GMEB1: variants seen among roughly 807,000 people sequenced by gnomAD.
GMEB1 encodes the protein glucocorticoid modulatory element binding protein 1.
A neutral mutation model predicts 52.4 loss-of-function variants in GMEB1; 6 were observed. The observed-to-expected ratio is 0.11, with a 90% CI of 0.06 to 0.23. The LOEUF is 0.23. Among genes scored for constraint, GMEB1 ranks in the 10% least tolerant of loss-of-function variants. GMEB1 has a pLI of 1.00. For missense variants in GMEB1, 486 were observed against 685.6 expected (o/e 0.71, Z 3.25); for synonymous variants, 255 against 244.9 (o/e 1.04, Z -0.38).
At chr1:28,705,937 G>A (rs572171717) in intron 8 of GMEB1, among the ~76,000 whole-genome samples, 27 of 142,560 alleles carry the variant, frequency 1.9e-4, no homozygotes, top group Non-Finnish European at 3.4e-4. Context: ...GGCGGATCAC[G>A]AGGTCAGGAG....
chr1:28,697,922 G>C (rs570796277), intron 6 of GMEB1, among the ~76,000 whole-genome samples: 1 of 151,726 alleles, frequency 6.6e-6, no homozygotes, highest in South Asian at 2.1e-4. Context: ...GGCGGATCAC[G>C]AGGTCAGGAG....
chr1:28,683,869 T>C, intron 2 of GMEB1, 129 bp downstream of exon 2: 1 of 803,822 alleles, frequency 1.2e-6, no homozygotes, highest in Non-Finnish European at 2.0e-6. Flanking sequence ...AGTTTTCATC[T>C]GTATAATATA....
intron 2 of GMEB1, 66 bp from the exon 3 acceptor site, chr1:28,690,038 A>G (rs1165840703): frequency 8.9e-6 from 9 of 1,006,742 alleles, no homozygotes; most frequent in Non-Finnish European, 1.4e-5. Context: ...TCTTAACCCC[A>G]TGCTGTGAAT....
intron 1 of GMEB1, among the ~76,000 whole-genome samples, chr1:28,670,050 G>A (rs1466019378): frequency 6.6e-6 from 1 of 152,150 alleles, no homozygotes; most frequent in African/African-American, 2.4e-5. Flanking sequence ...CAATCAAGAC[G>A]GGTTTTAGGA....
rs181110142 is a variant in GMEB1 at position 28,671,854 on chromosome 1, C to T, written c.-31+3015C>T. ...ATTTTGGGCTGGGCGCGGTAGCTCA[C>T]GCCTGTAATCCCAGCACTTTGGGAG... On this transcript the variant is annotated intron_variant, in intron 1 of 9. Coordinates refer to ENST00000373816, the MANE Select transcript of GMEB1 (RefSeq NM_001319674.2). Among the ~76,000 whole-genome samples the T allele has an allele frequency of 1.1e-4, 16 of 151,962 alleles. No individual in the cohort carries two copies. The East Asian group carries it at 2.5e-3, about 24-fold the overall frequency.
At chr1:28,705,839 G>A (rs1488188104) in intron 8 of GMEB1, among the ~76,000 whole-genome samples, 1 of 151,380 alleles carries the variant, frequency 6.6e-6, no homozygotes, top group Non-Finnish European at 1.5e-5. Context: ...GAAAATTGGA[G>A]AAATCCACTT....
intron 1 of GMEB1, among the ~76,000 whole-genome samples, chr1:28,683,300 A>G (rs1669481250): frequency 6.6e-6 from 1 of 151,382 alleles, no homozygotes; most frequent in Non-Finnish European, 1.5e-5. Flanking sequence ...ATCTCGGCTC[A>G]CCGCAACCTC....
intron 3 of GMEB1, 116 bp downstream of exon 3, chr1:28,690,302 C>G (rs979370290): frequency 5.1e-6 from 3 of 585,962 alleles, no homozygotes; most frequent in African/African-American, 3.8e-5. Flanking sequence ...TCTCCCATCC[C>G]TGTGTGCCCT....
chr1:28,694,749 C>T (rs1041003731), intron 5 of GMEB1, among the ~76,000 whole-genome samples: 22 of 151,422 alleles, frequency 1.5e-4, no homozygotes, highest in African/African-American at 4.6e-4. Context: ...CTGCAACTTC[C>T]GCCTCCCAGG....
intron 2 of GMEB1, among the ~76,000 whole-genome samples, chr1:28,685,907 C>T (rs1004950616): frequency 2.6e-5 from 4 of 151,776 alleles, no homozygotes; most frequent in South Asian, 2.1e-4. Context: ...TGCAGTGAGC[C>T]GAGATTGTGC....
intron 5 of GMEB1, among the ~76,000 whole-genome samples, chr1:28,694,962 T>C (rs77308635): frequency 1.0e-4 from 12 of 120,186 alleles, no homozygotes; most frequent in Admixed American, 8.7e-4. Context: ...GTGGCCAGCC[T>C]TTTTTTTTTT....
At chr1:28,682,536 C>T (rs989712467) in intron 1 of GMEB1, among the ~76,000 whole-genome samples, 5 of 150,286 alleles carry the variant, frequency 3.3e-5, no homozygotes, top group East Asian at 3.9e-4. Context: ...GCAGGAGAAT[C>T]GCTTGAGCTT....
At chr1:28,705,038 A>G (rs1670681846) in intron 8 of GMEB1, among the ~76,000 whole-genome samples, 1 of 150,316 alleles carries the variant, frequency 6.7e-6, no homozygotes, top group East Asian at 2.0e-4. Flanking sequence ...AGCTATGATC[A>G]TAGGACTCTA....
At chr1:28,702,352 C>A in intron 6 of GMEB1, 86 bp from the exon 7 acceptor site, 1 of 1,048,806 alleles carries the variant, frequency 9.5e-7, no homozygotes. Flanking sequence ...ATAACAAGGT[C>A]TTTGTAGCTA....
chr1:28,694,852 C>T (rs2124525179), intron 5 of GMEB1, among the ~76,000 whole-genome samples: 1 of 151,500 alleles, frequency 6.6e-6, no homozygotes. Context: ...TTAGTAGAGA[C>T]AGGGTTTCAC....
chr1:28,669,034 C>CG (rs1190178134), intron 1 of GMEB1, among the ~76,000 whole-genome samples, 195 bp downstream of exon 1: 5 of 23,382 alleles, frequency 2.1e-4, no homozygotes, highest in African/African-American at 7.8e-4. Flanking sequence ...CGCGGCGCCG[C>CG]GGGGGGGTGG....
At chr1:28,672,905 A>AT (rs879293036) in intron 1 of GMEB1, among the ~76,000 whole-genome samples, 76 of 136,290 alleles carry the variant, frequency 5.6e-4, no homozygotes, top group Middle Eastern at 4.2e-3. Flanking sequence ...TGCCCAGATA[A>AT]TTTTTTTTTT....
At chr1:28,706,422 T>C (rs1442772765) in intron 8 of GMEB1, among the ~76,000 whole-genome samples, 1 of 151,864 alleles carries the variant, frequency 6.6e-6, no homozygotes, top group Non-Finnish European at 1.5e-5. Context: ...CTGGCCAGCA[T>C]GGTGAAACCC....
chr1:28,706,022 C>T (rs1392055704), intron 8 of GMEB1, among the ~76,000 whole-genome samples: 2 of 151,614 alleles, frequency 1.3e-5, no homozygotes, highest in African/African-American at 2.4e-5. Context: ...GGCGCGGTGG[C>T]GGACGCCTGT....
Sources: gnomAD v4.1 joint callset for allele counts (sites outside exome capture counted in the v4.1 genomes callset) on GRCh38, gnomAD v4.1.1 for gene constraint, MANE v1.5 for transcripts, NCBI Gene and HGNC (gene_info 2026-07-23, HGNC 2026-07-21) for gene names.